Variants in PLPP2 observed in about 807,000 individuals in gnomAD.
The protein encoded by PLPP2 is phospholipid phosphatase 2, also known as PAP2-gamma.
Under a neutral mutation model 35.2 loss-of-function variants are expected in PLPP2, and 29 were observed. That is an observed-to-expected ratio of 0.82 (90% CI 0.61 to 1.12). The LOEUF (loss-of-function observed/expected upper bound fraction) is 1.12. Among genes scored for constraint, PLPP2 ranks in the 50% most tolerant of loss-of-function variants. The pLI is 0.00. For synonymous variants in PLPP2, 162 were observed against 167.0 expected (o/e 0.97, Z 0.23); for missense variants, 353 against 375.2 (o/e 0.94, Z 0.49).
In PLPP2 at chr19:288,154, T is replaced by C. The variant is rs1343676228; in HGVS notation, c.70A>G (p.Ile24Val). 1 of 1,593,132 alleles carries C rather than the reference T, an allele frequency of 6.3e-7. No homozygotes were observed. The highest frequency in any genetic ancestry group is 8.6e-7 in the Non-Finnish European group (1 of 1,166,008). The change falls in exon 2 of 6, where the codon ATC (isoleucine) becomes GTC (valine). Residue 24 changes from isoleucine (I) to valine (V), a missense_variant. Ile to Val is a conservative substitution (Grantham distance 29). Coordinates refer to ENST00000434325, the MANE Select transcript of PLPP2 (RefSeq NM_003712.4). ...TACGGGGCGTTCACCAGCGTCAGGATAGCGAAGGGCAGGGAGGCTGGTGGG... is the reference window on the plus strand; with the variant it reads ...TACGGGGCGTTCACCAGCGTCAGGACAGCGAAGGGCAGGGAGGCTGGTGGG... ...CLLVASLPFA[I>V]LTLVNAPYKR...
chr19:281,279 G>T lies in PLPP2; in HGVS notation c.*109C>A. ...CGCTCACTGCTCCCATCAGCCCAGG[G>T]TTCCTGGAGCCCGTCCAGAGCCCTC... On this transcript the variant is annotated 3_prime_UTR_variant, in exon 6 of 6. Coordinates refer to ENST00000434325, the MANE Select transcript of PLPP2 (RefSeq NM_003712.4). 1.8e-6 allele frequency: 2 copies of T among 1,116,190 alleles called. No individual in the cohort carries two copies. The highest frequency in any genetic ancestry group is 2.3e-6 in the Non-Finnish European group (2 of 865,656). The allele number at this position is 1,116,190 out of a possible 1,614,324, so 69.1% of individuals were successfully genotyped here.
At chr19:282,029 C>T in intron 5 of PLPP2, 105 bp downstream of exon 5, 4 of 1,323,976 alleles carry the variant, frequency 3.0e-6, no homozygotes, top group Non-Finnish European at 4.2e-6. Context: ...GGGAGGAGGC[C>T]CAAGGAAGGA....
At chr19:286,956 T>A (rs1232950109) in intron 3 of PLPP2, 1 of 154,466 alleles carries the variant, frequency 6.5e-6, no homozygotes, top group Admixed American at 6.4e-5. Context: ...TGAGCCTCTG[T>A]CTCAAAAAAA....
intron 1 of PLPP2, among the ~76,000 whole-genome samples, chr19:289,856 CG>C (rs1970349351): frequency 6.6e-6 from 1 of 152,048 alleles, no homozygotes; most frequent in South Asian, 2.1e-4. Flanking sequence ...AGTTGCCGGC[CG>C]GGTGGAAAGT....
chr19:290,552 A>G (rs1206573652), intron 1 of PLPP2, among the ~76,000 whole-genome samples: 3 of 152,166 alleles, frequency 2.0e-5, no homozygotes, highest in Non-Finnish European at 4.4e-5. Flanking sequence ...CCCCAGAGAT[A>G]GAATTCCAGG....
intron 4 of PLPP2, 111 bp downstream of exon 4, chr19:282,641 C>A: frequency 1.7e-6 from 2 of 1,172,790 alleles, no homozygotes; most frequent in Non-Finnish European, 2.5e-6. Context: ...CAGTTAGCCC[C>A]CCTCACCACC....
intron 5 of PLPP2, chr19:281,845 AGGGAAGGACTGGGATTGGGGGGAAGG>A: frequency 4.4e-6 from 1 of 227,794 alleles, no homozygotes; most frequent in Non-Finnish European, 8.0e-6. Flanking sequence ...AGGGGGGTCC[AGGGAAGGACTGGGATTGGGGGGAAGG>A]GGTCCCAGGG....
At chr19:291,050 C>A in intron 1 of PLPP2, 1 of 1,291,240 alleles carries the variant, frequency 7.7e-7, no homozygotes. Flanking sequence ...GCTCCCCGGG[C>A]CTCTCGCGAC....
rs535398296 is a variant in PLPP2 at position 281,665 on chromosome 19, G to C, written c.718-128C>G. The stretch of plus-strand genomic sequence containing the variant: ...GGGGCCTAGGTGGGAAATGAGAGGA[G>C]TAGTGCCTGGGGTGGGAAGAGAGCG... On this transcript the variant is annotated intron_variant, in intron 5 of 5. Coordinates refer to ENST00000434325, the MANE Select transcript of PLPP2 (RefSeq NM_003712.4). 176 of 887,824 alleles carry C rather than the reference G, an allele frequency of 2.0e-4. No individual in the cohort carries two copies. The African/African-American group carries it at 2.7e-3, about 13-fold the overall frequency. The allele number at this position is 887,824 out of a possible 1,614,324, so 55.0% of individuals were successfully genotyped here.
chr19:282,251 C>G lies in PLPP2; in HGVS notation c.600G>C (p.Gln200His). The change falls in exon 5 of 6, where the codon CAG becomes CAC. Residue 200 changes from glutamine to histidine, a missense_variant. By Grantham distance (24) the Gln-to-His change is conservative. Transcript: ENST00000434325. ...AGAGGGCAAAGGCCACCAGGAAGAA[C>G]TGGACTGTGGGTCGCAGCAGCCGTG... ...KWARLLRPTV[Q>H]FFLVAFALYV... 3 of 1,613,872 alleles carry G rather than the reference C, an allele frequency of 1.9e-6. No homozygotes were observed. The highest frequency in any genetic ancestry group is 2.5e-6 in the Non-Finnish European group (3 of 1,179,892).
At position 287,345 on chromosome 19, in the gene PLPP2, C is replaced by G. The variant is rs1017368083; in HGVS notation, c.482+129G>C. The G allele has an allele frequency of 3.6e-5, 43 of 1,201,218 alleles. No individual in the cohort carries two copies. Among genetic ancestry groups the G allele is most frequent in the Admixed American group, 3.5e-4 (15 of 43,204 alleles). The allele number at this position is 1,201,218 out of a possible 1,614,324, so 74.4% of individuals were successfully genotyped here. A position where few individuals can be genotyped will look rare whatever the true frequency, so the allele number is the denominator to read the frequency against. ...ACATACAAGAATGCACTAACTTATA[C>G]AAAAATTAGCCGGGCGTGGTGGCGC... On this transcript the variant is annotated intron_variant, in intron 3 of 5. Transcript: ENST00000434325. The surrounding 1 kb of genome is among the most constrained non-coding windows in gnomAD (Gnocchi z 4.3).
chr19:281,368 T>G lies in PLPP2; in HGVS notation c.*20A>C, dbSNP rs769564696. On this transcript the variant is annotated 3_prime_UTR_variant, in exon 6 of 6. Coordinates refer to ENST00000434325, the MANE Select transcript of PLPP2 (RefSeq NM_003712.4). ...CTCAGCTGGACTCACAGCAGCTCCC[T>G]GCCTGGGCGGGGTCCGGCCTCAGGA... 9 of 1,393,872 alleles carry G rather than the reference T, an allele frequency of 6.5e-6. No individual in the cohort carries two copies. Among genetic ancestry groups the G allele is most frequent in the Non-Finnish European group, 7.5e-6 (8 of 1,065,964 alleles). 86.3% of individuals were successfully genotyped at this position (1,393,872 alleles called of 1,614,324 possible). A position where few individuals can be genotyped will look rare whatever the true frequency, so the allele number is the denominator to read the frequency against.
chr19:284,355 A>C (rs1455690085), intron 3 of PLPP2: 1 of 152,094 alleles, frequency 6.6e-6, no homozygotes, highest in African/African-American at 2.4e-5. Flanking sequence ...TGTCTCAAAA[A>C]AAAAAAAAAA....
At chr19:290,802 G>A in intron 1 of PLPP2, 1 of 642,078 alleles carries the variant, frequency 1.6e-6, no homozygotes. Context: ...GCACGTGCAC[G>A]GGTTCGAATC....
intron 1 of PLPP2, 105 bp downstream of exon 1, chr19:291,180 G>T: frequency 1.3e-6 from 2 of 1,559,350 alleles, no homozygotes; most frequent in Non-Finnish European, 1.7e-6. Flanking sequence ...TCCTCGGAGG[G>T]ACGAGGGCGC....
chr19:283,397 G>A (rs1456331253), intron 3 of PLPP2: 6 of 153,216 alleles, frequency 3.9e-5, no homozygotes, highest in African/African-American at 1.4e-4. Context: ...GGTGGCCTGA[G>A]GATTCCAAGA....
intron 1 of PLPP2, among the ~76,000 whole-genome samples, chr19:289,532 G>C (rs952959718): frequency 2.0e-5 from 3 of 151,906 alleles, no homozygotes; most frequent in Non-Finnish European, 4.4e-5. Context: ...TGGCTAACAC[G>C]GTGAAACCCC....
Position 289,342 on chromosome 19 carries a change from C to T in PLPP2, c.53-1171G>A, listed in dbSNP as rs113976206. Among the ~76,000 whole-genome samples, 1,201 of 152,270 alleles carry T rather than the reference C, an allele frequency of 7.9e-3. 17 individuals carry two copies. Among genetic ancestry groups the T allele is most frequent in the African/African-American group, 0.027 (1,127 of 41,542 alleles). ...GCTAACTCCAAGGGCCCTAGGACAC[C>T]GTACACCTTCCATGCTGGCTAAGTC... On this transcript the variant is annotated intron_variant, in intron 1 of 5. Coordinates refer to ENST00000434325, the MANE Select transcript of PLPP2 (RefSeq NM_003712.4).
chr19:282,195 TTG>T lies in PLPP2; in HGVS notation c.654_655del (p.Tyr218Ter), dbSNP rs1970186847. The stretch of plus-strand genomic sequence containing the variant: ...AACAAGGACATCGCTCCAGTGGTGT[TTG>T]TAATCAGACACGCGGGTGTAGCCCA... On this transcript the variant is annotated stop_gained and frameshift_variant, in exon 5 of 6. Transcript: ENST00000434325. LOFTEE classifies it high-confidence loss of function. The T allele has an allele frequency of 6.2e-7, 1 of 1,613,708 alleles. No individual in the cohort carries two copies. Among genetic ancestry groups the T allele is most frequent in the Non-Finnish European group, 8.5e-7 (1 of 1,179,878 alleles).
Sources: gnomAD v4.1 joint callset for allele counts (sites outside exome capture counted in the v4.1 genomes callset) on GRCh38, gnomAD v4.1.1 for gene constraint, Gnocchi (gnomAD v3.1) non-coding constraint, MANE v1.5 for transcripts, NCBI Gene and HGNC (gene_info 2026-07-23, HGNC 2026-07-21) for gene names.